The following KLHL8 variants were observed in gnomAD, a reference collection of about 807,000 sequenced individuals.
The protein encoded by KLHL8 is kelch-like protein 8.
Under a neutral mutation model 63.5 loss-of-function variants are expected in KLHL8, and 38 were observed. That is an observed-to-expected ratio of 0.60 (90% CI 0.46 to 0.78). The LOEUF (loss-of-function observed/expected upper bound fraction) is 0.78. KLHL8 is among the 30% of genes least tolerant of loss of function. KLHL8 has a pLI of 0.00. For missense variants in KLHL8, 566 were observed against 752.4 expected (o/e 0.75, Z 2.90); for synonymous variants, 224 against 254.3 (o/e 0.88, Z 1.13).
intron 8 of KLHL8, 82 bp downstream of exon 8, chr4:87,169,997 T>A: frequency 9.2e-7 from 1 of 1,081,348 alleles, no homozygotes; most frequent in South Asian, 1.6e-5. Flanking sequence ...TAAGGCTAAA[T>A]GCAATGTAAT....
chr4:87,185,904 G>C, intron 2 of KLHL8, 105 bp from the exon 3 acceptor site: 1 of 943,056 alleles, frequency 1.1e-6, no homozygotes, highest in Non-Finnish European at 1.5e-6. Flanking sequence ...GACAAATTTA[G>C]AGTATCTTTT....
chr4:87,178,380 T>G, intron 5 of KLHL8, 97 bp downstream of exon 5: 1 of 1,243,392 alleles, frequency 8.0e-7, no homozygotes, highest in Non-Finnish European at 1.1e-6. Flanking sequence ...TAATTTACAA[T>G]TTAGTCATTT....
chr4:87,183,208 G>A lies in KLHL8; in HGVS notation c.947C>T (p.Thr316Ile). The A allele has an allele frequency of 3.1e-6, 5 of 1,594,968 alleles. No homozygotes were observed. The highest frequency in any genetic ancestry group is 2.6e-6 in the Non-Finnish European group (3 of 1,168,370). ...YSIRTTPRKH[T>I]AGVLFCVGGR... is the part of the protein sequence containing the mutation. The stretch of plus-strand genomic sequence containing the variant: ...TGACAAAATAATTTGGTTACCAGCA[G>A]TATGCTTCCTTGGGGTAGTCCGAAT... Residue 316 changes from threonine to isoleucine, a missense_variant, in exon 4 of 10, where the codon ACT (threonine) becomes ATT (isoleucine). Coordinates refer to ENST00000273963, the MANE Select transcript of KLHL8 (RefSeq NM_020803.5).
At chr4:87,172,018 CA>C (rs1355594917) in intron 6 of KLHL8, among the ~76,000 whole-genome samples, 13 of 152,198 alleles carry the variant, frequency 8.5e-5, no homozygotes, top group African/African-American at 3.1e-4. Context: ...AGATACTCCT[CA>C]TCCCCCATGA....
At position 87,163,653 on chromosome 4, in the gene KLHL8, G is replaced by A. The variant is rs748503122; in HGVS notation, c.1740-11C>T. 1.4e-5 allele frequency: 22 copies of A among 1,609,658 alleles called. No individual in the cohort carries two copies. In the Admixed American group the frequency reaches 2.4e-4, roughly 17 times the overall value. Reference sequence around the variant, plus strand: ...CCAACAAGCTCCCACCTGAAAAGACGGAGAAGAAAAAATGTTACAAAGCAT... The same window carrying A: ...CCAACAAGCTCCCACCTGAAAAGACAGAGAAGAAAAAATGTTACAAAGCAT... On this transcript the variant is annotated splice_polypyrimidine_tract_variant and intron_variant, in intron 9 of 9. Coordinates refer to ENST00000273963, the MANE Select transcript of KLHL8 (RefSeq NM_020803.5).
At chr4:87,173,771 G>A (rs764856566) in intron 6 of KLHL8, among the ~76,000 whole-genome samples, 21 of 152,056 alleles carry the variant, frequency 1.4e-4, no homozygotes, top group Admixed American at 5.9e-4. Context: ...GGGATATAAA[G>A]ATTAAAAAAG....
At chr4:87,164,910 A>T (rs1730319297) in intron 8 of KLHL8, among the ~76,000 whole-genome samples, 1 of 152,050 alleles carries the variant, frequency 6.6e-6, no homozygotes, top group Non-Finnish European at 1.5e-5. Context: ...GCACTTTGGG[A>T]GGCCAAGGGG....
chr4:87,166,888 C>T (rs1041980831), intron 8 of KLHL8: 2 of 162,698 alleles, frequency 1.2e-5, no homozygotes, highest in Non-Finnish European at 2.6e-5. Flanking sequence ...AGCCCTGAGC[C>T]GGATGACCTG....
intron 1 of KLHL8, among the ~76,000 whole-genome samples, chr4:87,202,356 G>A (rs902709679): frequency 3.9e-5 from 6 of 152,036 alleles, no homozygotes; most frequent in African/African-American, 1.4e-4. Flanking sequence ...CTGACCTCAG[G>A]TGATCCACCT....
intron 2 of KLHL8, among the ~76,000 whole-genome samples, chr4:87,192,394 T>C (rs920831959): frequency 2.0e-5 from 3 of 152,236 alleles, no homozygotes; most frequent in African/African-American, 7.2e-5. Context: ...CATGTATTTG[T>C]TGGCCACTTG....
At chr4:87,218,407 T>C (rs759716422) in intron 1 of KLHL8, among the ~76,000 whole-genome samples, 5 of 152,022 alleles carry the variant, frequency 3.3e-5, no homozygotes, top group Admixed American at 6.5e-5. Context: ...TTAGTAGAGA[T>C]GGGGTTTCAC....
intron 1 of KLHL8, among the ~76,000 whole-genome samples, chr4:87,237,902 C>G (rs779442619): frequency 6.6e-6 from 1 of 152,062 alleles, no homozygotes; most frequent in Non-Finnish European, 1.5e-5. Context: ...AAAAACATAT[C>G]TAAACATATC....
intron 1 of KLHL8, among the ~76,000 whole-genome samples, chr4:87,200,324 G>C (rs1206760678): frequency 6.6e-6 from 1 of 151,874 alleles, no homozygotes; most frequent in Non-Finnish European, 1.5e-5. Context: ...AACTGGTATG[G>C]TATTTGCATA....
intron 6 of KLHL8, among the ~76,000 whole-genome samples, chr4:87,171,883 T>G (rs1258940157): frequency 2.6e-5 from 4 of 152,224 alleles, no homozygotes; most frequent in Admixed American, 6.5e-5. Flanking sequence ...TTTGTGATAA[T>G]TCAAATATAT....
intron 1 of KLHL8, among the ~76,000 whole-genome samples, chr4:87,239,498 C>T (rs1219592262): frequency 6.6e-6 from 1 of 152,154 alleles, no homozygotes; most frequent in Non-Finnish European, 1.5e-5. Flanking sequence ...GGAACATGCG[C>T]ACTTCTAATA....
At chr4:87,175,439 C>T (rs1364349799) in intron 6 of KLHL8, among the ~76,000 whole-genome samples, 1 of 152,066 alleles carries the variant, frequency 6.6e-6, no homozygotes, top group African/African-American at 2.4e-5. Context: ...CAATCAAAAA[C>T]CTGATTTCCC....
chr4:87,164,961 A>C (rs954481817), intron 8 of KLHL8, among the ~76,000 whole-genome samples: 10 of 152,016 alleles, frequency 6.6e-5, no homozygotes, highest in African/African-American at 1.9e-4. Context: ...ATCCTGGCTA[A>C]CACGGTGAAA....
intron 1 of KLHL8, among the ~76,000 whole-genome samples, chr4:87,238,848 G>A (rs1733280541): frequency 6.6e-6 from 1 of 152,092 alleles, no homozygotes; most frequent in African/African-American, 2.4e-5. Flanking sequence ...TGTATAAATT[G>A]GCTCCATGAG....
chr4:87,220,784 G>C (rs955377712), upstream of KLHL8: 1 of 152,234 alleles, frequency 6.6e-6, no homozygotes, highest in Non-Finnish European at 1.5e-5. Context: ...AGGCGGACCA[G>C]GGCGTGGCGG....
Sources: gnomAD v4.1 joint callset for allele counts (sites outside exome capture counted in the v4.1 genomes callset) on GRCh38, gnomAD v4.1.1 for gene constraint, MANE v1.5 for transcripts, NCBI Gene and HGNC (gene_info 2026-07-23, HGNC 2026-07-21) for gene names.